The following ZNF814 variants were observed in gnomAD, a reference collection of about 807,000 sequenced individuals.
ZNF814 encodes zinc finger protein 814.
ZNF814 carries 5 observed loss-of-function variants against 7.5 expected under a neutral mutation model. The observed-to-expected ratio is 0.67, with a 90% CI of 0.35 to 1.40. The LOEUF is 1.40. Among genes scored for constraint, ZNF814 ranks in the 40% most tolerant of loss-of-function variants. The pLI, the probability that ZNF814 is intolerant of heterozygous loss-of-function variation, is 0.04. For missense variants in ZNF814, 962 were observed against 1,018.0 expected, an observed-to-expected ratio of 0.94 and a Z score of 0.75; for synonymous variants, 315 against 340.7, an observed-to-expected ratio of 0.92 and a Z score of 0.83.
the ZNF814 span, among the ~76,000 whole-genome samples, chr19:57,897,109 C>T: frequency 2.6e-5 from 4 of 152,160 alleles, no homozygotes; most frequent in Non-Finnish European, 4.4e-5. Flanking sequence ...TTTTATTGCT[C>T]AGCTCCAGGA....
chr19:57,877,170 C>T (rs1308548537), intron 1 of ZNF814, 128 bp from the exon 2 acceptor site: 5 of 1,399,904 alleles, frequency 3.6e-6, no homozygotes, highest in Admixed American at 2.1e-5. Flanking sequence ...AAACTAGGCC[C>T]ACTGGTCATG....
chr19:57,898,939 C>CAAAAAA, the ZNF814 span, among the ~76,000 whole-genome samples: 5 of 91,920 alleles, frequency 5.4e-5, no homozygotes, highest in Admixed American at 1.1e-4. Context: ...GACTCTGTCT[C>CAAAAAA]AAAAAAAAAA....
rs1443120561 is a variant in ZNF814 at position 57,874,782 on chromosome 19, C to T, written c.608G>A (p.Cys203Tyr). 6.2e-7 allele frequency: 1 copy of T among 1,614,094 alleles called. No individual in the cohort carries two copies. The highest frequency in any genetic ancestry group is 8.5e-7 in the Non-Finnish European group (1 of 1,179,974). ...TCCCCCACACTGAATGGGAGACACA[C>T]ACTCAGTTTTGCTGTTTGACTTCTC... ...TGEKSNSKTE[C>Y]VSPIQCGGAH... Residue 203 changes from cysteine to tyrosine, a missense_variant, in exon 3 of 3, where the codon TGT becomes TAT. Transcript: ENST00000435989.
chr19:57,904,928 TA>T, the ZNF814 span, among the ~76,000 whole-genome samples: 4 of 151,202 alleles, frequency 2.6e-5, no homozygotes, highest in East Asian at 7.8e-4. Flanking sequence ...TGCATGCCTA[TA>T]ATCCTAGCTA....
At chr19:57,894,880 C>T in the ZNF814 span, among the ~76,000 whole-genome samples, 1 of 151,822 alleles carries the variant, frequency 6.6e-6, no homozygotes, top group African/African-American at 2.4e-5. Flanking sequence ...AATCTTATTG[C>T]TCATAGCTGT....
the ZNF814 span, among the ~76,000 whole-genome samples, chr19:57,898,798 G>T: frequency 6.6e-6 from 1 of 152,082 alleles, no homozygotes; most frequent in East Asian, 1.9e-4. Context: ...AACATTAGCC[G>T]GGTGTGGCGG....
At chr19:57,891,077 C>T (rs1346200422), upstream of ZNF814, among the ~76,000 whole-genome samples, 2 of 152,272 alleles carry the variant, frequency 1.3e-5, no homozygotes, top group East Asian at 1.9e-4. Context: ...CCCACCAAAA[C>T]CAAGATGGCC....
chr19:57,879,640 A>T (rs988625793), intron 1 of ZNF814, among the ~76,000 whole-genome samples: 2 of 148,646 alleles, frequency 1.3e-5, no homozygotes, highest in Admixed American at 1.4e-4. Flanking sequence ...TCCAATATCA[A>T]TTCCTTCCCA....
At chr19:57,904,977 G>A in the ZNF814 span, among the ~76,000 whole-genome samples, 1 of 146,474 alleles carries the variant, frequency 6.8e-6, no homozygotes. Flanking sequence ...AACTCAGGGG[G>A]CAGAAGTTGT....
chr19:57,880,602 CTTTTT>C (rs376416557), intron 1 of ZNF814, among the ~76,000 whole-genome samples: 1 of 125,572 alleles, frequency 8.0e-6, no homozygotes, highest in Non-Finnish European at 1.6e-5. Flanking sequence ...AACAGAACAC[CTTTTT>C]TTTTTCTTTT....
chr19:57,900,838 C>CTTTTT, the ZNF814 span, among the ~76,000 whole-genome samples: 1 of 56,430 alleles, frequency 1.8e-5, no homozygotes, highest in Non-Finnish European at 3.7e-5. Flanking sequence ...GCCATGGCTG[C>CTTTTT]ATTTTTTTTT....
chr19:57,870,536 G>C lies in ZNF814; in HGVS notation c.*2286C>G, dbSNP rs180832666. 3.3e-4 allele frequency: 50 copies of C among 152,228 alleles called. No individual in the cohort carries two copies. Among genetic ancestry groups the C allele is most frequent in the African/African-American group, 1.2e-3 (50 of 41,538 alleles). The allele number at this position is 152,228 out of a possible 1,614,324, so 9.4% of individuals were successfully genotyped here. ...GAATGACCTTGAGGAGAACAGCCCA[G>C]AATGAGTACAGGAATTCACAAAACC... On this transcript the variant is annotated 3_prime_UTR_variant, in exon 3 of 3. Coordinates refer to ENST00000435989, the MANE Select transcript of ZNF814 (RefSeq NM_001144989.2).
Position 57,873,658 on chromosome 19 carries a change from A to C in ZNF814, c.1732T>G (p.Cys578Gly). 6.2e-7 allele frequency: 1 copy of C among 1,613,974 alleles called. No homozygotes were observed. ...RVHPRERSYG[C>G]GECGKSFSSI... is the part of the protein sequence containing the mutation. The stretch of plus-strand genomic sequence containing the variant: ...CTAAAAGATTTCCCACATTCTCCAC[A>C]CCCATAAGATCTTTCTCTAGGGTGA... The change falls in exon 3 of 3, where the codon TGT (cysteine) becomes GGT (glycine). Residue 578 changes from cysteine (C) to glycine (G), a missense_variant. Coordinates refer to ENST00000435989, the MANE Select transcript of ZNF814 (RefSeq NM_001144989.2).
chr19:57,879,430 C>T (rs2071634603), intron 1 of ZNF814, among the ~76,000 whole-genome samples: 1 of 148,790 alleles, frequency 6.7e-6, no homozygotes, highest in Admixed American at 6.8e-5. Flanking sequence ...CCTCCCTCTC[C>T]TGTGTGAATG....
intron 1 of ZNF814, among the ~76,000 whole-genome samples, chr19:57,886,598 G>A (rs2071695733): frequency 6.6e-6 from 1 of 152,042 alleles, no homozygotes; most frequent in Non-Finnish European, 1.5e-5. Context: ...AAAAAAGACG[G>A]CCAGGCACGG....
At chr19:57,903,750 G>C in the ZNF814 span, among the ~76,000 whole-genome samples, 3 of 152,196 alleles carry the variant, frequency 2.0e-5, no homozygotes, top group African/African-American at 7.2e-5. Flanking sequence ...TGCTTGTGCT[G>C]TCTCCTTTTA....
At chr19:57,893,519 G>A (rs1457947420), upstream of ZNF814, among the ~76,000 whole-genome samples, 2 of 151,694 alleles carry the variant, frequency 1.3e-5, no homozygotes, top group African/African-American at 2.4e-5. Context: ...GCTCACACCT[G>A]TAATCCCAGC....
chr19:57,902,926 G>A, the ZNF814 span, among the ~76,000 whole-genome samples: 4 of 152,096 alleles, frequency 2.6e-5, no homozygotes, highest in East Asian at 3.9e-4. Flanking sequence ...TGATCCGCCC[G>A]CCGCAGCCTC....
At chr19:57,892,429 A>C (rs1191129664), upstream of ZNF814, among the ~76,000 whole-genome samples, 3 of 152,244 alleles carry the variant, frequency 2.0e-5, no homozygotes, top group Non-Finnish European at 2.9e-5. Context: ...ACACTTGACC[A>C]AACTTTGGTT....
Sources: gnomAD v4.1 joint callset for allele counts (sites outside exome capture counted in the v4.1 genomes callset) on GRCh38, gnomAD v4.1.1 for gene constraint, MANE v1.5 for transcripts, NCBI Gene and HGNC (gene_info 2026-07-23, HGNC 2026-07-21) for gene names.